The following VWA8 variants were observed in gnomAD, a reference collection of about 807,000 sequenced individuals.
The protein encoded by VWA8 is von Willebrand factor A domain-containing protein 8.
Under a neutral mutation model 241.5 loss-of-function variants are expected in VWA8, and 221 were observed. The observed-to-expected ratio is 0.91, with a 90% CI of 0.82 to 1.02. The LOEUF is 1.02. Ranked by LOEUF, VWA8 falls within the 50% of genes least tolerant of loss-of-function variation. The pLI is 0.00. For missense variants in VWA8, 2,322 were observed against 2,328.7 expected (o/e 1.00, Z 0.06); for synonymous variants, 852 against 827.1 (o/e 1.03, Z -0.52).
intron 9 of VWA8, among the ~76,000 whole-genome samples, chr13:41,877,135 G>A (rs1337951555): frequency 6.6e-6 from 1 of 151,902 alleles, no homozygotes. Context: ...GAATTATTTA[G>A]CCCCCACCAC....
At chr13:41,668,873 T>C (rs977810934) in intron 37 of VWA8, among the ~76,000 whole-genome samples, 12 of 152,234 alleles carry the variant, frequency 7.9e-5, no homozygotes, top group African/African-American at 2.9e-4. Flanking sequence ...GAATGTCAGA[T>C]AACATCTATT....
intron 20 of VWA8, among the ~76,000 whole-genome samples, chr13:41,769,839 A>C (rs2045806133): frequency 6.6e-6 from 1 of 152,240 alleles, no homozygotes; most frequent in Non-Finnish European, 1.5e-5. Context: ...TGAAAATTCT[A>C]AGACATACAA....
intron 34 of VWA8, among the ~76,000 whole-genome samples, chr13:41,687,254 C>T (rs879818911): frequency 6.6e-6 from 1 of 152,020 alleles, no homozygotes; most frequent in African/African-American, 2.4e-5. Context: ...GACACTATTA[C>T]CATGTTTAAT....
chr13:41,672,301 G>GTATA (rs918096526), intron 36 of VWA8, among the ~76,000 whole-genome samples: 1 of 151,988 alleles, frequency 6.6e-6, no homozygotes, highest in Non-Finnish European at 1.5e-5. Context: ...GTATATGTGT[G>GTATA]TATATATATA....
intron 37 of VWA8, among the ~76,000 whole-genome samples, chr13:41,632,484 G>T (rs1308943320): frequency 6.6e-6 from 1 of 152,164 alleles, no homozygotes; most frequent in Non-Finnish European, 1.5e-5. Context: ...TTTAGCATGA[G>T]GAATTCTTTT....
chr13:41,626,229 T>A (rs2044690096), intron 37 of VWA8, among the ~76,000 whole-genome samples: 1 of 152,044 alleles, frequency 6.6e-6, no homozygotes, highest in South Asian at 2.1e-4. Context: ...ACTTAAAGTA[T>A]AATAATAAAA....
chr13:41,727,443 A>G, intron 23 of VWA8, 130 bp from the exon 24 acceptor site: 1 of 847,768 alleles, frequency 1.2e-6, no homozygotes, highest in Non-Finnish European at 1.7e-6. Context: ...TTTGGCTGTG[A>G]TAACTTGGTT....
intron 37 of VWA8, among the ~76,000 whole-genome samples, chr13:41,635,161 T>C (rs959547874): frequency 5.9e-5 from 9 of 152,204 alleles, no homozygotes; most frequent in Non-Finnish European, 1.3e-4. Context: ...AACACTATTC[T>C]AACTAAAATT....
At chr13:41,745,207 G>A (rs2045596075) in intron 21 of VWA8, among the ~76,000 whole-genome samples, 1 of 151,876 alleles carries the variant, frequency 6.6e-6, no homozygotes, top group Non-Finnish European at 1.5e-5. Context: ...TGTTACATAT[G>A]TACACATGTG....
intron 39 of VWA8, among the ~76,000 whole-genome samples, chr13:41,610,574 C>G (rs2044580808): frequency 6.6e-6 from 1 of 152,196 alleles, no homozygotes; most frequent in South Asian, 2.1e-4. Flanking sequence ...TTGTCCTGTA[C>G]TGTTTACTTG....
intron 17 of VWA8, among the ~76,000 whole-genome samples, chr13:41,794,178 T>C (rs914342035): frequency 1.3e-5 from 2 of 152,132 alleles, no homozygotes; most frequent in Admixed American, 1.3e-4. Context: ...GTGAAGAAAG[T>C]CAATGGTAGT....
intron 17 of VWA8, among the ~76,000 whole-genome samples, chr13:41,800,161 A>T (rs1380841516): frequency 6.6e-6 from 1 of 152,226 alleles, no homozygotes; most frequent in Non-Finnish European, 1.5e-5. Flanking sequence ...GATAAAACAC[A>T]CTTTATCTGT....
intron 1 of VWA8, among the ~76,000 whole-genome samples, chr13:41,957,870 G>GATAT (rs750389974): frequency 1.3e-5 from 2 of 152,074 alleles, no homozygotes; most frequent in African/African-American, 2.4e-5. Context: ...AAAATGTCAT[G>GATAT]ATATATTTAT....
intron 37 of VWA8, among the ~76,000 whole-genome samples, chr13:41,646,729 C>G (rs954606295): frequency 2.0e-5 from 3 of 152,200 alleles, no homozygotes; most frequent in Non-Finnish European, 2.9e-5. Context: ...TAATATATAT[C>G]AGATTTATAG....
intron 39 of VWA8, among the ~76,000 whole-genome samples, chr13:41,609,691 TTG>T (rs2044574997): frequency 6.6e-6 from 1 of 152,206 alleles, no homozygotes; most frequent in Non-Finnish European, 1.5e-5. Context: ...TCTTGGTGTT[TTG>T]CTGTGCCCCA....
chr13:41,945,844 T>C (rs1877825159), intron 2 of VWA8, among the ~76,000 whole-genome samples: 1 of 151,924 alleles, frequency 6.6e-6, no homozygotes, highest in African/African-American at 2.4e-5. Context: ...AATAAATAAA[T>C]AATAATGAAA....
chr13:41,631,649 C>A (rs1057228629), intron 37 of VWA8, among the ~76,000 whole-genome samples: 8 of 151,804 alleles, frequency 5.3e-5, no homozygotes, highest in Non-Finnish European at 2.9e-5. Flanking sequence ...TATTTAAATT[C>A]AAGTAGGAAT....
chr13:41,592,854 A>G (rs1211163298), intron 40 of VWA8, among the ~76,000 whole-genome samples: 2 of 152,214 alleles, frequency 1.3e-5, no homozygotes, highest in African/African-American at 4.8e-5. Context: ...CTTCATCTCT[A>G]AAATGAAGAT....
chr13:41,921,975 A>T (rs1876560784), intron 2 of VWA8, among the ~76,000 whole-genome samples: 1 of 152,222 alleles, frequency 6.6e-6, no homozygotes, highest in Non-Finnish European at 1.5e-5. Context: ...CTGCATTGCC[A>T]AGTCAATCCT....
Sources: allele counts gnomAD v4.1 joint callset (sites outside exome capture counted in the v4.1 genomes callset), GRCh38; gene constraint gnomAD v4.1.1; transcripts MANE v1.5; gene names NCBI Gene and HGNC (gene_info 2026-07-23, HGNC 2026-07-21).